SHB: variants seen among roughly 807,000 people sequenced by gnomAD.
SHB encodes SH2 domain containing adaptor protein B.
SHB carries 20 observed loss-of-function variants against 52.3 expected under a neutral mutation model. The observed-to-expected ratio is 0.38, with a 90% CI of 0.27 to 0.56. The LOEUF is 0.56. Among genes scored for constraint, SHB ranks in the 20% least tolerant of loss-of-function variants. The probability of loss-of-function intolerance (pLI) is 0.71; values close to 1 mark genes in which losing one functional copy is unlikely to be tolerated. For synonymous variants in SHB, 397 were observed against 316.5 expected (o/e 1.25, Z -2.70); for missense variants, 825 against 723.3 (o/e 1.14, Z -1.61).
intron 3 of SHB, among the ~76,000 whole-genome samples, chr9:37,962,777 C>T (rs936473527): frequency 6.6e-6 from 1 of 152,038 alleles, no homozygotes; most frequent in African/African-American, 2.4e-5. Flanking sequence ...CTCCCCCAAA[C>T]GCTGGGATTA....
At chr9:37,947,196 G>A (rs1223988254) in intron 5 of SHB, among the ~76,000 whole-genome samples, 4 of 152,212 alleles carry the variant, frequency 2.6e-5, no homozygotes, top group East Asian at 1.9e-4. Flanking sequence ...CTAGAGAAGA[G>A]CAAGGTACCT....
intron 5 of SHB, among the ~76,000 whole-genome samples, chr9:37,944,179 G>C (rs1237784642): frequency 6.6e-6 from 1 of 152,188 alleles, no homozygotes; most frequent in African/African-American, 2.4e-5. Context: ...ACGATTCACA[G>C]GTAGGGGCCC....
intron 2 of SHB, chr9:38,015,265 C>T: frequency 4.9e-6 from 3 of 606,150 alleles, no homozygotes; most frequent in Middle Eastern, 4.2e-4. Context: ...TGTGACCTCC[C>T]CCTAATCCTG....
chr9:38,064,807 G>A (rs182467702), intron 1 of SHB, among the ~76,000 whole-genome samples: 235 of 152,370 alleles, frequency 1.5e-3, no homozygotes, highest in African/African-American at 5.3e-3. Flanking sequence ...GAAACCAGTA[G>A]AGTAAGGCTA....
At chr9:38,030,298 C>T (rs12344370) in intron 1 of SHB, among the ~76,000 whole-genome samples, 20,941 of 152,162 alleles carry the variant, frequency 0.14, 3,195 homozygotes, top group African/African-American at 0.37. Flanking sequence ...GCCCCCAGAG[C>T]GCACACTCTG....
intron 1 of SHB, among the ~76,000 whole-genome samples, chr9:38,021,630 T>G (rs1384486212): frequency 6.6e-6 from 1 of 151,542 alleles, no homozygotes; most frequent in South Asian, 2.1e-4. Flanking sequence ...ATCGTGCCAC[T>G]GCACTCCAGC....
chr9:37,981,165 G>A (rs1027365133), intron 2 of SHB, among the ~76,000 whole-genome samples: 21 of 152,220 alleles, frequency 1.4e-4, no homozygotes, highest in African/African-American at 4.8e-4. Flanking sequence ...GGCTCTGAAA[G>A]TCCTAGATGG....
chr9:38,056,726 A>G (rs1484524930), intron 1 of SHB, among the ~76,000 whole-genome samples: 1 of 152,252 alleles, frequency 6.6e-6, no homozygotes, highest in African/African-American at 2.4e-5. Context: ...CAATTGCCAC[A>G]TATAGAACCA....
At chr9:37,972,959 G>A (rs1309676944) in intron 3 of SHB, among the ~76,000 whole-genome samples, 1 of 152,174 alleles carries the variant, frequency 6.6e-6, no homozygotes, top group East Asian at 1.9e-4. Flanking sequence ...TGTCAGTGTG[G>A]TAGGAATTAA....
intron 1 of SHB, among the ~76,000 whole-genome samples, chr9:38,057,553 G>A (rs1418884587): frequency 6.6e-6 from 1 of 152,212 alleles, no homozygotes; most frequent in East Asian, 1.9e-4. Flanking sequence ...CAGCCAACTT[G>A]CAAGGGCCCC....
In SHB at chr9:38,068,587, G is replaced by A. The variant is rs776200664; in HGVS notation, c.59C>T (p.Pro20Leu). Residue 20 changes from proline (P) to leucine (L), a missense_variant, in exon 1 of 6, where the codon CCG (proline) becomes CTG (leucine). Pro to Leu is a moderately conservative substitution (Grantham distance 98, BLOSUM62 -3). Coordinates refer to ENST00000377707, the MANE Select transcript of SHB (RefSeq NM_003028.3). The stretch of plus-strand genomic sequence containing the variant: ...GCGGTAGTCTGGCCGCGGCGGCTGC[G>A]GGGGGCTCTTGGTCTTGCTGTTGCC... ...SLGNSKTKSP[P>L]QPPRPDYREQ... The A allele has an allele frequency of 1.3e-6, 2 of 1,491,656 alleles. No individual in the cohort carries two copies. The highest frequency in any genetic ancestry group is 1.3e-5 in the South Asian group (1 of 77,708). The allele number at this position is 1,491,656 out of a possible 1,614,324, so 92.4% of individuals were successfully genotyped here.
chr9:38,002,153 C>T (rs1356638828), intron 2 of SHB, among the ~76,000 whole-genome samples: 1 of 152,090 alleles, frequency 6.6e-6, no homozygotes, highest in Non-Finnish European at 1.5e-5. Flanking sequence ...GCAAGGACTG[C>T]CTCCAGGGTT....
At chr9:38,013,041 G>A (rs925096435) in intron 2 of SHB, among the ~76,000 whole-genome samples, 18 of 151,798 alleles carry the variant, frequency 1.2e-4, no homozygotes, top group African/African-American at 3.6e-4. Flanking sequence ...CTGGGGTGAC[G>A]CCACAAAGAA....
chr9:38,044,793 T>C (rs1821628415), intron 1 of SHB, among the ~76,000 whole-genome samples: 1 of 152,248 alleles, frequency 6.6e-6, no homozygotes, highest in Admixed American at 6.5e-5. Context: ...TGAGATCACT[T>C]ATCTGACAAG....
intron 2 of SHB, among the ~76,000 whole-genome samples, chr9:37,986,728 G>A (rs1023503185): frequency 2.6e-5 from 4 of 152,350 alleles, no homozygotes; most frequent in Non-Finnish European, 5.9e-5. Flanking sequence ...AGCAGGGGCT[G>A]GGCTAGCACG....
At chr9:38,005,020 C>T (rs1821061867) in intron 2 of SHB, among the ~76,000 whole-genome samples, 1 of 152,186 alleles carries the variant, frequency 6.6e-6, no homozygotes, top group Admixed American at 6.5e-5. Context: ...AGTTCCAGGC[C>T]AAAACCTCAA....
At chr9:37,981,860 CATTT>C (rs1261639887) in intron 2 of SHB, among the ~76,000 whole-genome samples, 1 of 152,140 alleles carries the variant, frequency 6.6e-6, no homozygotes, top group Non-Finnish European at 1.5e-5. Flanking sequence ...ACACACATAA[CATTT>C]ATTAAGTTCG....
chr9:37,959,029 A>C (rs1832666316), intron 3 of SHB, among the ~76,000 whole-genome samples: 1 of 152,174 alleles, frequency 6.6e-6, no homozygotes, highest in African/African-American at 2.4e-5. Context: ...TTGAACTTAT[A>C]GATGGGGATA....
Position 38,039,112 on chromosome 9 carries a change from T to TC in SHB, c.718-22982dup, listed in dbSNP as rs775970374. ...AAGGGGTCGCCAGAGAACATTTTCT[T>TC]CCCCGGAAAAATGTGGATAATACAT... On this transcript the variant is annotated intron_variant, in intron 1 of 5. Coordinates refer to ENST00000377707, the MANE Select transcript of SHB (RefSeq NM_003028.3). 4.3e-4 allele frequency among the ~76,000 whole-genome samples: 66 copies of TC among 152,286 alleles called. 1 individual carries two copies. Among genetic ancestry groups the TC allele is most frequent in the African/African-American group, 1.6e-3 (65 of 41,558 alleles).
Sources: allele counts gnomAD v4.1 joint callset (sites outside exome capture counted in the v4.1 genomes callset), GRCh38; gene constraint gnomAD v4.1.1; transcripts MANE v1.5; gene names NCBI Gene and HGNC (gene_info 2026-07-23, HGNC 2026-07-21).